The following CSMD1 variants were observed in gnomAD, a reference collection of about 807,000 sequenced individuals.
CSMD1 encodes the protein CUB and Sushi multiple domains 1, also known as CUB and sushi domain-containing protein 1.
Under a neutral mutation model 417.5 loss-of-function variants are expected in CSMD1, and 213 were observed. The observed-to-expected ratio is 0.51, with a 90% CI of 0.46 to 0.57. The LOEUF is 0.57. Among genes scored for constraint, CSMD1 ranks in the 20% least tolerant of loss-of-function variants. The probability of loss-of-function intolerance (pLI) is 0.00; values close to 1 mark genes in which losing one functional copy is unlikely to be tolerated. For missense variants in CSMD1, 6,923 were observed against 4,529.7 expected (o/e 1.53, Z -15.17); for synonymous variants, 2,862 against 1,736.8 (o/e 1.65, Z -16.11).
At chr8:4,274,537 A>G (rs1022472576) in intron 3 of CSMD1, among the ~76,000 whole-genome samples, 4 of 152,156 alleles carry the variant, frequency 2.6e-5, no homozygotes, top group Admixed American at 1.3e-4. Flanking sequence ...AAATTATAGT[A>G]AGAGGTCTGT....
intron 1 of CSMD1, among the ~76,000 whole-genome samples, chr8:4,714,483 TACTTA>T (rs1273149020): frequency 5.9e-5 from 9 of 152,224 alleles, no homozygotes; most frequent in Admixed American, 5.9e-4. Flanking sequence ...TGCTTCATCT[TACTTA>T]ACTTTTCAGA....
chr8:4,143,151 T>C (rs997338676), intron 3 of CSMD1, among the ~76,000 whole-genome samples: 6 of 147,304 alleles, frequency 4.1e-5, no homozygotes, highest in South Asian at 2.2e-4. Context: ...GAGAAACAAA[T>C]GCACTAGCAA....
chr8:4,094,133 T>TG (rs1261311453), intron 3 of CSMD1, among the ~76,000 whole-genome samples: 3 of 151,818 alleles, frequency 2.0e-5, no homozygotes, highest in Admixed American at 6.6e-5. Context: ...CCTCCGTGTG[T>TG]GGGGGGGATG....
intron 3 of CSMD1, among the ~76,000 whole-genome samples, chr8:4,216,331 T>G (rs1174134186): frequency 6.6e-6 from 1 of 152,160 alleles, no homozygotes; most frequent in African/African-American, 2.4e-5. Context: ...ACTGCAGGGA[T>G]GCTTTCAGTT....
At chr8:4,060,597 G>A (rs138588722) in intron 3 of CSMD1, among the ~76,000 whole-genome samples, 28 of 152,276 alleles carry the variant, frequency 1.8e-4, no homozygotes, top group African/African-American at 6.5e-4. Context: ...TCTGGGTTTC[G>A]GAACTGTCCC....
intron 20 of CSMD1, among the ~76,000 whole-genome samples, chr8:3,365,973 G>C (rs1241469868): frequency 6.6e-6 from 1 of 152,154 alleles, no homozygotes; most frequent in Non-Finnish European, 1.5e-5. Context: ...TGGTTTGGGA[G>C]ATAAGATAAA....
intron 3 of CSMD1, among the ~76,000 whole-genome samples, chr8:4,227,168 C>A (rs192252614): frequency 1.5e-3 from 224 of 152,228 alleles, no homozygotes; most frequent in Non-Finnish European, 2.0e-3. Context: ...TGCCTCTTTG[C>A]CTGCCCTCAT....
chr8:4,958,754 T>A (rs1809285628), intron 1 of CSMD1, among the ~76,000 whole-genome samples: 1 of 151,178 alleles, frequency 6.6e-6, no homozygotes, highest in Non-Finnish European at 1.5e-5. Context: ...CATCAGTAAT[T>A]TCCCCCTGTT....
At chr8:4,154,298 G>A (rs1044814275) in intron 3 of CSMD1, among the ~76,000 whole-genome samples, 2 of 152,198 alleles carry the variant, frequency 1.3e-5, no homozygotes, top group Non-Finnish European at 2.9e-5. Context: ...AGATGTTTCT[G>A]TTCTCAGCTT....
chr8:3,848,877 C>CTAAA (rs1249935665), intron 5 of CSMD1, among the ~76,000 whole-genome samples: 2 of 150,998 alleles, frequency 1.3e-5, no homozygotes, highest in Non-Finnish European at 2.9e-5. Flanking sequence ...TCCAGAAATG[C>CTAAA]TAAAGAGTGA....
chr8:3,822,790 G>C (rs942475097), intron 5 of CSMD1, among the ~76,000 whole-genome samples: 4 of 152,122 alleles, frequency 2.6e-5, no homozygotes, highest in African/African-American at 7.2e-5. Context: ...ATGGATAGTT[G>C]ATTTGTGGAA....
At chr8:3,500,524 T>C (rs1307718433) in intron 10 of CSMD1, among the ~76,000 whole-genome samples, 1 of 152,104 alleles carries the variant, frequency 6.6e-6, no homozygotes, top group Admixed American at 6.5e-5. Flanking sequence ...GGAATGAGGA[T>C]GAGCTGCAGT....
At chr8:3,270,396 T>C (rs1801753033) in intron 26 of CSMD1, among the ~76,000 whole-genome samples, 1 of 152,120 alleles carries the variant, frequency 6.6e-6, no homozygotes, top group Admixed American at 6.6e-5. Context: ...GCCTCAAGAT[T>C]ATTTTAAAGC....
At chr8:4,173,853 G>A (rs928718137) in intron 3 of CSMD1, among the ~76,000 whole-genome samples, 2 of 152,074 alleles carry the variant, frequency 1.3e-5, no homozygotes, top group African/African-American at 2.4e-5. Context: ...CTACTTCTTG[G>A]GAAGTCTCTT....
At chr8:4,017,904 G>A (rs906716522) in intron 4 of CSMD1, among the ~76,000 whole-genome samples, 3 of 152,046 alleles carry the variant, frequency 2.0e-5, no homozygotes, top group Admixed American at 6.5e-5. Flanking sequence ...TAATCATCAC[G>A]GTATTTCTGA....
intron 1 of CSMD1, among the ~76,000 whole-genome samples, chr8:4,874,776 AATAGAG>A (rs898938490): frequency 5.6e-4 from 85 of 151,256 alleles, no homozygotes; most frequent in African/African-American, 1.7e-3. Context: ...GACAGAAAGA[AATAGAG>A]ATAGACTTTT....
intron 1 of CSMD1, among the ~76,000 whole-genome samples, chr8:4,910,094 C>A (rs527870452): frequency 5.6e-4 from 85 of 152,306 alleles, no homozygotes; most frequent in African/African-American, 2.0e-3. Flanking sequence ...TTACTTAGGA[C>A]TGAATCTTAA....
chr8:3,961,657 C>G (rs922514099), intron 5 of CSMD1, among the ~76,000 whole-genome samples: 1 of 152,004 alleles, frequency 6.6e-6, no homozygotes, highest in South Asian at 2.1e-4. Flanking sequence ...TGATAATAAA[C>G]AAATAATAAA....
At chr8:4,135,352 A>G (rs111905504) in intron 3 of CSMD1, among the ~76,000 whole-genome samples, 78,163 of 137,370 alleles carry the variant, frequency 0.57, 23,021 homozygotes, top group East Asian at 0.69. Context: ...GAAGGAAGGG[A>G]AAGGAGGGAA....
Sources: allele counts gnomAD v4.1 joint callset (sites outside exome capture counted in the v4.1 genomes callset), GRCh38; gene constraint gnomAD v4.1.1; transcripts MANE v1.5; gene names NCBI Gene and HGNC (gene_info 2026-07-23, HGNC 2026-07-21).